The following EDIL3 variants were observed in gnomAD, a reference collection of about 807,000 sequenced individuals.
EDIL3 encodes the protein EGF like and discoidin domains 3, also known as EGF-like repeat and discoidin I-like domain-containing protein 3.
In EDIL3, 37 loss-of-function variants were observed where a neutral mutation model predicts 67.4. The observed-to-expected ratio is 0.55, with a 90% CI of 0.42 to 0.72. The LOEUF is 0.72. Among genes scored for constraint, EDIL3 ranks in the 30% least tolerant of loss-of-function variants. The pLI is 0.00. For synonymous variants in EDIL3, 195 were observed against 196.3 expected, an observed-to-expected ratio of 0.99 and a Z score of 0.05; for missense variants, 527 against 586.3, an observed-to-expected ratio of 0.90 and a Z score of 1.04.
chr5:84,342,206 A>C (rs969686673), intron 1 of EDIL3, among the ~76,000 whole-genome samples: 1 of 152,074 alleles, frequency 6.6e-6, no homozygotes, highest in African/African-American at 2.4e-5. Context: ...TCTTTTGCAG[A>C]TACATGAGTG....
chr5:84,037,988 G>GTTTTTT (rs67762520), intron 9 of EDIL3, among the ~76,000 whole-genome samples: 7,048 of 99,240 alleles, frequency 0.071, 1,067 homozygotes, highest in African/African-American at 0.2. Context: ...TTTCTTTCTT[G>GTTTTTT]TTTTTTTTTT....
intron 1 of EDIL3, among the ~76,000 whole-genome samples, chr5:84,358,786 T>C (rs899474696): frequency 1.3e-5 from 2 of 151,724 alleles, no homozygotes; most frequent in Non-Finnish European, 2.9e-5. Context: ...ATTTTTTGTA[T>C]TTTTTAGTAG....
At position 84,094,703 on chromosome 5, in the gene EDIL3, A is replaced by G. The variant is rs537273875; in HGVS notation, c.651+11946T>C. On this transcript the variant is annotated intron_variant, in intron 6 of 10. Transcript: ENST00000296591. ...CACTGTTAACAAAGTTGTTAAAAAA[A>G]TCCATGTGTGAAATTTGTACTACAG... 1.2e-4 allele frequency among the ~76,000 whole-genome samples: 18 copies of G among 152,318 alleles called. No individual in the cohort carries two copies. In the South Asian group the frequency reaches 3.5e-3, roughly 30 times the overall value.
chr5:84,285,501 C>T (rs995042123), intron 1 of EDIL3, among the ~76,000 whole-genome samples: 5 of 152,042 alleles, frequency 3.3e-5, no homozygotes, highest in Admixed American at 6.6e-5. Context: ...GTGTCTGGCA[C>T]GTATAATAGC....
At chr5:84,029,391 C>A (rs770260826) in intron 9 of EDIL3, among the ~76,000 whole-genome samples, 1 of 152,190 alleles carries the variant, frequency 6.6e-6, no homozygotes, top group African/African-American at 2.4e-5. Context: ...GCCTCCCCAG[C>A]CATGTGGAAC....
At chr5:83,955,751 T>C (rs1356827719) in intron 10 of EDIL3, among the ~76,000 whole-genome samples, 2 of 151,814 alleles carry the variant, frequency 1.3e-5, no homozygotes, top group Admixed American at 1.3e-4. Context: ...TGTATATTTG[T>C]TTCTACCACC....
At chr5:84,066,126 A>C (rs2112241090) in intron 7 of EDIL3, among the ~76,000 whole-genome samples, 1 of 152,090 alleles carries the variant, frequency 6.6e-6, no homozygotes, top group South Asian at 2.1e-4. Flanking sequence ...AAAAAAAAAA[A>C]AAAAAAAGTG....
chr5:84,138,041 T>C (rs7713568), intron 4 of EDIL3, among the ~76,000 whole-genome samples: 4,774 of 152,264 alleles, frequency 0.031, 237 homozygotes, highest in African/African-American at 0.11. Context: ...CTTGCTAATT[T>C]TGGACAACAG....
chr5:84,358,412 T>C (rs950794466), intron 1 of EDIL3, among the ~76,000 whole-genome samples: 4 of 152,100 alleles, frequency 2.6e-5, no homozygotes, highest in Admixed American at 2.0e-4. Flanking sequence ...TTTCATATAT[T>C]GTGCCACGAT....
At chr5:84,259,619 T>G (rs1009445191) in intron 1 of EDIL3, among the ~76,000 whole-genome samples, 1 of 152,208 alleles carries the variant, frequency 6.6e-6, no homozygotes, top group Non-Finnish European at 1.5e-5. Context: ...TTTAACTTAC[T>G]GTTTGCCTGC....
intron 3 of EDIL3, among the ~76,000 whole-genome samples, chr5:84,193,700 G>A (rs1440165909): frequency 6.6e-6 from 1 of 151,882 alleles, no homozygotes; most frequent in African/African-American, 2.4e-5. Flanking sequence ...TAGGGATGTG[G>A]TATCATTCTG....
rs1299790013 is a variant in EDIL3, at chr5:84,106,302, A to G, written c.651+347T>C. Among the ~76,000 whole-genome samples the G allele has an allele frequency of 2.6e-5, 4 of 152,216 alleles. No individual in the cohort carries two copies. In the East Asian group the frequency reaches 7.7e-4, roughly 29 times the overall value. Reference sequence around the variant, plus strand: ...CTTCTTAGAGATAGAAAACATTGATATAATTTTTATGTTCTTAAAGTATCA... The same window carrying G: ...CTTCTTAGAGATAGAAAACATTGATGTAATTTTTATGTTCTTAAAGTATCA... On this transcript the variant is annotated intron_variant, in intron 6 of 10. Coordinates refer to ENST00000296591, the MANE Select transcript of EDIL3 (RefSeq NM_005711.5).
chr5:84,372,284 C>T (rs532717505), intron 1 of EDIL3, among the ~76,000 whole-genome samples: 2 of 152,040 alleles, frequency 1.3e-5, no homozygotes, highest in African/African-American at 4.8e-5. Flanking sequence ...AAAAAAGAAA[C>T]ATTATGGTTT....
intron 9 of EDIL3, among the ~76,000 whole-genome samples, chr5:84,004,277 C>T (rs1363442588): frequency 1.3e-5 from 2 of 151,954 alleles, no homozygotes; most frequent in East Asian, 3.9e-4. Flanking sequence ...ACATAGAATA[C>T]TATCAAAGAT....
At chr5:84,249,380 T>TATCC (rs1744975505) in intron 2 of EDIL3, among the ~76,000 whole-genome samples, 1 of 13,666 alleles carries the variant, frequency 7.3e-5, no homozygotes, top group Non-Finnish European at 1.8e-4. Context: ...CATATCTTTC[T>TATCC]ATCTATCTAT....
Position 84,354,549 on chromosome 5 carries a change from C to T in EDIL3, c.67+29759G>A, listed in dbSNP as rs546875322. Among the ~76,000 whole-genome samples, 15 of 150,854 alleles carry T rather than the reference C, an allele frequency of 9.9e-5. No homozygotes were observed. The East Asian group carries it at 2.6e-3, about 26-fold the overall frequency. On this transcript the variant is annotated intron_variant, in intron 1 of 10. Transcript: ENST00000296591. ...GTGCATGCCTGTAATACCAGCTACT[C>T]GGGAAGCTGAGGCAGGAGAATTGCT...
chr5:84,096,701 T>A (rs563899641), intron 6 of EDIL3, among the ~76,000 whole-genome samples: 1 of 152,274 alleles, frequency 6.6e-6, no homozygotes, highest in East Asian at 1.9e-4. Flanking sequence ...AAGGCATGAT[T>A]GGTTTTGAAA....
At chr5:84,337,190 T>G (rs552133245) in intron 1 of EDIL3, among the ~76,000 whole-genome samples, 3 of 152,290 alleles carry the variant, frequency 2.0e-5, no homozygotes, top group African/African-American at 7.2e-5. Context: ...CTCTGCACCC[T>G]CAGAACTTTG....
At chr5:84,266,237 C>A (rs1482788619) in intron 1 of EDIL3, among the ~76,000 whole-genome samples, 1 of 152,166 alleles carries the variant, frequency 6.6e-6, no homozygotes, top group Non-Finnish European at 1.5e-5. Context: ...TTGGGTCACA[C>A]AACATGACCA....
Sources: gnomAD v4.1 joint callset for allele counts (sites outside exome capture counted in the v4.1 genomes callset) on GRCh38, gnomAD v4.1.1 for gene constraint, MANE v1.5 for transcripts, NCBI Gene and HGNC (gene_info 2026-07-23, HGNC 2026-07-21) for gene names.